The following TAF4B variants were observed in gnomAD, a reference collection of about 807,000 sequenced individuals.
TAF4B encodes transcription initiation factor TFIID subunit 4B.
In TAF4B, 38 loss-of-function variants were observed where a neutral mutation model predicts 86.4. That is an observed-to-expected ratio of 0.44 (90% CI 0.34 to 0.58). The LOEUF is 0.58. TAF4B is among the 20% of genes least tolerant of loss of function. The pLI is 0.02. For missense variants in TAF4B, 988 were observed against 1,027.6 expected (o/e 0.96, Z 0.53); for synonymous variants, 388 against 391.2 (o/e 0.99, Z 0.10).
intron 14 of TAF4B, among the ~76,000 whole-genome samples, chr18:26,375,868 A>G (rs2057439286): frequency 6.6e-6 from 1 of 152,000 alleles, no homozygotes; most frequent in Admixed American, 6.5e-5. Flanking sequence ...ATCCATTTTG[A>G]GTTAATTTTT....
chr18:26,237,604 A>G (rs955651788), intron 1 of TAF4B, among the ~76,000 whole-genome samples: 3 of 152,112 alleles, frequency 2.0e-5, no homozygotes, highest in African/African-American at 4.8e-5. Context: ...TATGGAGGTA[A>G]GCTGAGAGGT....
At chr18:26,322,552 T>G (rs2144678495) in intron 11 of TAF4B, among the ~76,000 whole-genome samples, 1 of 152,298 alleles carries the variant, frequency 6.6e-6, no homozygotes, top group South Asian at 2.1e-4. Flanking sequence ...AATACTGTCT[T>G]GTAACCTTTT....
At chr18:26,303,128 C>T (rs1254780259) in intron 9 of TAF4B, among the ~76,000 whole-genome samples, 5 of 51,342 alleles carry the variant, frequency 9.7e-5, no homozygotes, top group African/African-American at 1.7e-4. Flanking sequence ...ACTTTCATAC[C>T]CCCTCCACTT....
intron 13 of TAF4B, among the ~76,000 whole-genome samples, chr18:26,337,992 A>G (rs1287178576): frequency 1.3e-5 from 2 of 152,200 alleles, no homozygotes; most frequent in East Asian, 3.8e-4. Flanking sequence ...ATTACTGGCT[A>G]TCTTATAAAT....
chr18:26,226,649 C>T lies in TAF4B; in HGVS notation c.-285C>T, dbSNP rs557140401. On this transcript the variant is annotated 5_prime_UTR_variant, in exon 1 of 15. Transcript: ENST00000269142. ...CGGGACCCGAGCCTGAGGCGCAGGGCTGAGGCAGCGCACGTGTGAGCGCCG... is the reference window on the plus strand; with the variant it reads ...CGGGACCCGAGCCTGAGGCGCAGGGTTGAGGCAGCGCACGTGTGAGCGCCG... 2 of 315,624 alleles carry T rather than the reference C, an allele frequency of 6.3e-6. No homozygotes were observed. The highest frequency in any genetic ancestry group is 4.3e-5 in the African/African-American group (2 of 46,678). The allele number at this position is 315,624 out of a possible 1,614,324, so 19.6% of individuals were successfully genotyped here.
chr18:26,301,813 GTC>G (rs200036537), intron 9 of TAF4B, among the ~76,000 whole-genome samples: 1 of 151,978 alleles, frequency 6.6e-6, no homozygotes, highest in Non-Finnish European at 1.5e-5. Flanking sequence ...TCAACTTCTT[GTC>G]TCTCTCTCTC....
chr18:26,390,257 A>AAT lies in TAF4B; in HGVS notation c.*245_*246insAT. 1 of 386,712 alleles carries AAT rather than the reference A, an allele frequency of 2.6e-6. No individual in the cohort carries two copies. The highest frequency in any genetic ancestry group is 4.5e-6 in the Non-Finnish European group (1 of 220,756). The allele number at this position is 386,712 out of a possible 1,614,324, so 24.0% of individuals were successfully genotyped here. On this transcript the variant is annotated 3_prime_UTR_variant, in exon 15 of 15. Coordinates refer to ENST00000269142, the MANE Select transcript of TAF4B (RefSeq NM_005640.3). ...TTTGCACAGAATTAGGCATCTGCCT[A>AAT]TCTGTGCATTAAATTAAAGCAAGTT...
intron 10 of TAF4B, among the ~76,000 whole-genome samples, chr18:26,317,076 C>A (rs2144669417): frequency 7.0e-6 from 1 of 142,824 alleles, no homozygotes; most frequent in Non-Finnish European, 1.5e-5. Context: ...GTTGCCCAGG[C>A]TGCAGTGCAG....
chr18:26,383,172 T>G (rs2144391265), intron 14 of TAF4B, among the ~76,000 whole-genome samples: 1 of 152,330 alleles, frequency 6.6e-6, no homozygotes, highest in South Asian at 2.1e-4. Flanking sequence ...TGCTTAGATG[T>G]TTAGACTTGG....
At chr18:26,333,864 C>A (rs1319357977) in intron 12 of TAF4B, among the ~76,000 whole-genome samples, 1 of 151,996 alleles carries the variant, frequency 6.6e-6, no homozygotes, top group Non-Finnish European at 1.5e-5. Context: ...CTCCTTATAT[C>A]ATCTGTCTCC....
At chr18:26,381,965 T>C (rs1219793380) in intron 14 of TAF4B, among the ~76,000 whole-genome samples, 1 of 39,908 alleles carries the variant, frequency 2.5e-5, no homozygotes, top group Non-Finnish European at 6.9e-5. Context: ...TTCTATAAAT[T>C]CATATTTCAT....
intron 9 of TAF4B, among the ~76,000 whole-genome samples, chr18:26,306,068 G>C (rs1157407589): frequency 6.6e-6 from 1 of 152,156 alleles, no homozygotes; most frequent in Non-Finnish European, 1.5e-5. Context: ...CAAGGATCAC[G>C]GTCTGTGGTG....
In TAF4B at chr18:26,361,726, CAG is replaced by C. The variant is rs2057332938; in HGVS notation, c.2421+3935_2421+3936del. ...CGCCACTCCCCTCCAGCCTGAGCAA[CAG>C]AGTGAGACTCCGTCTCAAAAAAAAA... On this transcript the variant is annotated intron_variant, in intron 14 of 14. Transcript: ENST00000269142. 3.2e-5 allele frequency among the ~76,000 whole-genome samples: 4 copies of C among 125,408 alleles called. No homozygotes were observed. The South Asian group carries it at 1.0e-3, about 32-fold the overall frequency. 82.3% of individuals were successfully genotyped at this position (125,408 alleles called of 152,430 possible). A position where few individuals can be genotyped will look rare whatever the true frequency, so the allele number is the denominator to read the frequency against.
chr18:26,381,978 G>A (rs111787469), intron 14 of TAF4B, among the ~76,000 whole-genome samples: 1 of 3,262 alleles, frequency 3.1e-4, no homozygotes, highest in African/African-American at 5.5e-4. Flanking sequence ...TATTTCATTC[G>A]AGTTATTTTT....
In TAF4B at chr18:26,315,263, G is replaced by A; in HGVS notation, c.1867G>A (p.Ala623Thr). Residue 623 changes from alanine to threonine, a missense_variant, in exon 10 of 15, where the codon GCA becomes ACA. By Grantham distance (58) the Ala-to-Thr change is moderately conservative. Around this residue, in one of 3 missense-constraint regions of TAF4B, gnomAD observed 25 missense variants for 51.3 expected, o/e 0.49. Transcript: ENST00000269142. The stretch of plus-strand genomic sequence containing the variant: ...TGACATCAATGATGTGACTTCTATG[G>A]CAGGGGTCAACCTTAATGAAGAAAA... ...EDDINDVTSM[A>T]GVNLNEENAC... 2 of 1,611,302 alleles carry A rather than the reference G, an allele frequency of 1.2e-6. No homozygotes were observed. Among genetic ancestry groups the A allele is most frequent in the Non-Finnish European group, 8.5e-7 (1 of 1,179,598 alleles).
At chr18:26,327,256 C>CTCTGCTT in intron 12 of TAF4B, 116 bp downstream of exon 12, 1 of 1,320,018 alleles carries the variant, frequency 7.6e-7, no homozygotes. Flanking sequence ...CAGAGGATTT[C>CTCTGCTT]CTAAAACGAA....
intron 1 of TAF4B, among the ~76,000 whole-genome samples, chr18:26,245,370 AGAGT>A (rs1354744363): frequency 2.6e-5 from 4 of 152,270 alleles, no homozygotes; most frequent in Middle Eastern, 3.4e-3. Context: ...ACGGACCCAA[AGAGT>A]GAGTGGTAGC....
chr18:26,305,598 G>A (rs2056786238), intron 9 of TAF4B, among the ~76,000 whole-genome samples: 1 of 152,008 alleles, frequency 6.6e-6, no homozygotes, highest in Non-Finnish European at 1.5e-5. Flanking sequence ...GTAGAGACGG[G>A]GTTTCATCAT....
At chr18:26,285,577 A>G (rs1452200931) in intron 6 of TAF4B, among the ~76,000 whole-genome samples, 4 of 152,236 alleles carry the variant, frequency 2.6e-5, no homozygotes, top group Middle Eastern at 3.4e-3. Context: ...CTAATGATCT[A>G]TTATAGGGTT....
Sources: allele counts gnomAD v4.1 joint callset (sites outside exome capture counted in the v4.1 genomes callset), GRCh38; gene constraint gnomAD v4.1.1; regional missense constraint gnomAD v4.1.1; transcripts MANE v1.5; gene names NCBI Gene and HGNC (gene_info 2026-07-23, HGNC 2026-07-21).